The following UVRAG variants were observed in gnomAD, a reference collection of about 807,000 sequenced individuals.
UVRAG encodes UV radiation resistance-associated gene protein.
In UVRAG, 19 loss-of-function variants were observed where a neutral mutation model predicts 78.0. The ratio of observed to expected loss-of-function variants is 0.24; its 90% CI spans 0.17 to 0.36. The LOEUF is 0.36. Ranked by LOEUF, UVRAG falls within the 10% of genes least tolerant of loss-of-function variation. The pLI is 1.00. For missense variants in UVRAG, 740 were observed against 853.8 expected (o/e 0.87, Z 1.66); for synonymous variants, 323 against 324.6 (o/e 1.00, Z 0.05).
intron 5 of UVRAG, among the ~76,000 whole-genome samples, chr11:75,906,904 A>G (rs1296375474): frequency 6.6e-6 from 1 of 152,144 alleles, no homozygotes; most frequent in East Asian, 1.9e-4. Context: ...TGCCAGTGCT[A>G]TCCTGTTTTG....
intron 5 of UVRAG, among the ~76,000 whole-genome samples, chr11:75,902,684 T>A (rs564687361): frequency 7.3e-4 from 111 of 152,318 alleles, no homozygotes; most frequent in East Asian, 2.5e-3. Context: ...TGATTTTTTT[T>A]AATTTTATCC....
chr11:76,138,379 G>A (rs1269964277), intron 14 of UVRAG, among the ~76,000 whole-genome samples: 1 of 152,146 alleles, frequency 6.6e-6, no homozygotes, highest in Non-Finnish European at 1.5e-5. Flanking sequence ...TCTTCCACGG[G>A]GCTCAGAACA....
chr11:75,866,989 T>G (rs1946553280), intron 3 of UVRAG, among the ~76,000 whole-genome samples: 2 of 152,226 alleles, frequency 1.3e-5, no homozygotes, highest in African/African-American at 2.4e-5. Flanking sequence ...CTTTCCTTTT[T>G]TCATTATTTG....
chr11:75,934,524 A>G (rs553033608), intron 6 of UVRAG, among the ~76,000 whole-genome samples: 1 of 152,238 alleles, frequency 6.6e-6, no homozygotes, highest in Non-Finnish European at 1.5e-5. Flanking sequence ...TTTATAACAC[A>G]AAGGATAAAT....
chr11:75,830,092 G>A (rs1383699209), intron 1 of UVRAG, among the ~76,000 whole-genome samples: 1 of 152,004 alleles, frequency 6.6e-6, no homozygotes, highest in Non-Finnish European at 1.5e-5. Context: ...TGCCTGCCTC[G>A]TCTTCCCAAA....
At chr11:76,008,900 A>T (rs770812534) in intron 11 of UVRAG, 33 bp downstream of exon 11, 7 of 1,161,130 alleles carry the variant, frequency 6.0e-6, no homozygotes, top group Non-Finnish European at 8.5e-6. Flanking sequence ...GATTTGTTAT[A>T]TATTAATATA....
At chr11:75,959,049 A>G (rs1012490673) in intron 6 of UVRAG, among the ~76,000 whole-genome samples, 1 of 152,184 alleles carries the variant, frequency 6.6e-6, no homozygotes, top group African/African-American at 2.4e-5. Flanking sequence ...ATACATTGTC[A>G]TCCAGGCTTT....
At chr11:75,924,937 G>A (rs1948063722) in intron 6 of UVRAG, among the ~76,000 whole-genome samples, 1 of 152,174 alleles carries the variant, frequency 6.6e-6, no homozygotes, top group South Asian at 2.1e-4. Flanking sequence ...TGTTGAAAAG[G>A]TGAATGAAGA....
At chr11:75,911,697 C>T (rs1044507563) in intron 5 of UVRAG, 2 of 293,534 alleles carry the variant, frequency 6.8e-6, no homozygotes, top group South Asian at 5.5e-5. Context: ...GGGAAGGCCG[C>T]GGGACTCAGG....
chr11:76,098,077 G>T (rs1332305323), intron 13 of UVRAG, among the ~76,000 whole-genome samples: 1 of 151,072 alleles, frequency 6.6e-6, no homozygotes, highest in Admixed American at 6.6e-5. Context: ...TGTTTTTTTG[G>T]TGAGTCTTAT....
chr11:75,963,691 G>T (rs1235090880), intron 7 of UVRAG, among the ~76,000 whole-genome samples: 2 of 152,116 alleles, frequency 1.3e-5, no homozygotes, highest in East Asian at 3.8e-4. Flanking sequence ...AAGAAATTGG[G>T]TTCATAGTTG....
intron 6 of UVRAG, among the ~76,000 whole-genome samples, chr11:75,944,173 C>A (rs1358463477): frequency 2.6e-5 from 4 of 152,104 alleles, no homozygotes; most frequent in Admixed American, 2.6e-4. Flanking sequence ...ATTCCCAATA[C>A]CCTAAACAGC....
At chr11:75,931,741 A>G (rs1425911621) in intron 6 of UVRAG, among the ~76,000 whole-genome samples, 2 of 152,192 alleles carry the variant, frequency 1.3e-5, no homozygotes, top group South Asian at 2.1e-4. Flanking sequence ...GCTTTGGACA[A>G]TGAAAGATGA....
intron 12 of UVRAG, among the ~76,000 whole-genome samples, chr11:76,029,331 A>G (rs141438984): frequency 4.7e-4 from 71 of 151,458 alleles, no homozygotes; most frequent in African/African-American, 1.6e-3. Flanking sequence ...CAACCCATGG[A>G]TGACTTTTAA....
At chr11:76,042,040 G>A (rs572683421) in intron 12 of UVRAG, among the ~76,000 whole-genome samples, 2 of 152,238 alleles carry the variant, frequency 1.3e-5, no homozygotes, top group African/African-American at 4.8e-5. Context: ...AAACGGTTTC[G>A]AGTACATACT....
intron 3 of UVRAG, among the ~76,000 whole-genome samples, chr11:75,877,513 C>T (rs1445074979): frequency 1.7e-5 from 2 of 119,156 alleles, no homozygotes; most frequent in Non-Finnish European, 3.5e-5. Context: ...CGGGGGGTGA[C>T]CCCCCCCACC....
chr11:75,895,782 C>T lies in UVRAG; in HGVS notation c.507+6879C>T, dbSNP rs115706045. 5.0e-3 allele frequency among the ~76,000 whole-genome samples: 762 copies of T among 152,184 alleles called. 7 individuals carry two copies. The highest frequency in any genetic ancestry group is 0.017 in the African/African-American group (718 of 41,508). ...GTGAGCCACCACACCTGGCCAGATA[C>T]TGCAATCTTAAGTATTTAATAGCAA... On this transcript the variant is annotated intron_variant, in intron 5 of 14. Transcript: ENST00000356136.
At chr11:75,847,067 C>T (rs1946050094) in intron 1 of UVRAG, among the ~76,000 whole-genome samples, 1 of 151,932 alleles carries the variant, frequency 6.6e-6, no homozygotes, top group Non-Finnish European at 1.5e-5. Flanking sequence ...TCAGGTGATC[C>T]ACCCACCTCG....
chr11:75,854,300 G>T (rs888192467), intron 2 of UVRAG, among the ~76,000 whole-genome samples: 10 of 152,156 alleles, frequency 6.6e-5, no homozygotes, highest in African/African-American at 2.4e-4. Context: ...ATGGCCTCTG[G>T]CATGGCCAGA....
Sources: allele counts gnomAD v4.1 joint callset (sites outside exome capture counted in the v4.1 genomes callset), GRCh38; gene constraint gnomAD v4.1.1; transcripts MANE v1.5; gene names NCBI Gene and HGNC (gene_info 2026-07-23, HGNC 2026-07-21).